The following VMP1 variants were observed in gnomAD, a reference collection of about 807,000 sequenced individuals.
VMP1 encodes the protein vacuole membrane protein 1.
VMP1 carries 11 observed loss-of-function variants against 56.0 expected under a neutral mutation model. The ratio of observed to expected loss-of-function variants is 0.20; its 90% confidence interval spans 0.12 to 0.32. The LOEUF is 0.32. VMP1 is among the 10% of genes least tolerant of loss of function. VMP1 has a pLI of 1.00. For synonymous variants in VMP1, 149 were observed against 165.0 expected (o/e 0.90, Z 0.74); for missense variants, 296 against 490.3 (o/e 0.60, Z 3.74).
intron 7 of VMP1, among the ~76,000 whole-genome samples, chr17:59,806,631 C>G (rs2037851000): frequency 6.6e-6 from 1 of 150,484 alleles, no homozygotes; most frequent in South Asian, 2.1e-4. Flanking sequence ...AAGAGAATCG[C>G]TTGAACCCGG....
intron 5 of VMP1, among the ~76,000 whole-genome samples, chr17:59,747,583 G>C (rs2143883306): frequency 6.6e-6 from 1 of 151,336 alleles, no homozygotes; most frequent in African/African-American, 2.4e-5. Flanking sequence ...GCTAATTTTT[G>C]TATTTTTAGT....
intron 7 of VMP1, 24 bp from the exon 8 acceptor site, chr17:59,808,772 G>A (rs756533917): frequency 1.3e-6 from 2 of 1,594,610 alleles, no homozygotes; most frequent in Non-Finnish European, 1.7e-6. Flanking sequence ...TCTCATTAAT[G>A]TTTCTAAATT....
chr17:59,760,629 T>C (rs891848265), intron 5 of VMP1, among the ~76,000 whole-genome samples: 2 of 152,224 alleles, frequency 1.3e-5, no homozygotes, highest in Non-Finnish European at 2.9e-5. Context: ...TATTTTCTTT[T>C]TTCTTTTTTT....
At chr17:59,788,355 A>T (rs2037082247) in intron 7 of VMP1, among the ~76,000 whole-genome samples, 1 of 151,588 alleles carries the variant, frequency 6.6e-6, no homozygotes, top group Non-Finnish European at 1.5e-5. Context: ...GGCATGTTGG[A>T]GAGCTCCGGT....
At chr17:59,766,147 C>T (rs1480168746) in intron 6 of VMP1, among the ~76,000 whole-genome samples, 1 of 152,002 alleles carries the variant, frequency 6.6e-6, no homozygotes, top group Admixed American at 6.6e-5. Context: ...GCCATCTCGG[C>T]TCATTGCAGC....
intron 1 of VMP1, among the ~76,000 whole-genome samples, chr17:59,724,571 C>A (rs2143765725): frequency 6.6e-6 from 1 of 152,244 alleles, no homozygotes; most frequent in Non-Finnish European, 1.5e-5. Context: ...ACTTGGGAGG[C>A]TGAGACAGGA....
rs187541238 is a variant in VMP1 at position 59,734,772 on chromosome 17, T to C, written c.77-566T>C. 2.6e-5 allele frequency among the ~76,000 whole-genome samples: 4 copies of C among 152,248 alleles called. No individual in the cohort carries two copies. The East Asian group carries it at 5.8e-4, about 22-fold the overall frequency. On this transcript the variant is annotated intron_variant, in intron 2 of 11. Transcript: ENST00000262291. Reference sequence around the variant, plus strand: ...AATAAATTTAAAACAATAAAACTTATGAATTGCTTATTTTCAGAATTTTCC... The same window carrying C: ...AATAAATTTAAAACAATAAAACTTACGAATTGCTTATTTTCAGAATTTTCC...
At chr17:59,755,537 A>G (rs1328281449) in intron 5 of VMP1, among the ~76,000 whole-genome samples, 1 of 152,162 alleles carries the variant, frequency 6.6e-6, no homozygotes, top group Non-Finnish European at 1.5e-5. Context: ...GCAATTTTAT[A>G]TTTGCACTTT....
intron 6 of VMP1, among the ~76,000 whole-genome samples, chr17:59,767,691 C>T (rs1406716659): frequency 6.6e-6 from 1 of 152,068 alleles, no homozygotes; most frequent in Non-Finnish European, 1.5e-5. Context: ...GTCTGTAGTG[C>T]TTATTAGGCC....
At chr17:59,749,359 T>C (rs187271886) in intron 5 of VMP1, among the ~76,000 whole-genome samples, 1 of 152,082 alleles carries the variant, frequency 6.6e-6, no homozygotes, top group East Asian at 1.9e-4. Flanking sequence ...AGATCTAAGT[T>C]ATACAGAAAA....
intron 7 of VMP1, among the ~76,000 whole-genome samples, chr17:59,788,593 C>T (rs1295968152): frequency 2.0e-5 from 3 of 151,988 alleles, no homozygotes; most frequent in Admixed American, 6.6e-5. Flanking sequence ...CACCTGAGGT[C>T]GGAAGTTCCA....
At chr17:59,737,296 C>T (rs537152429) in intron 3 of VMP1, among the ~76,000 whole-genome samples, 157 bp from the exon 4 acceptor site, 1 of 152,162 alleles carries the variant, frequency 6.6e-6, no homozygotes, top group Non-Finnish European at 1.5e-5. Flanking sequence ...CTTCCCTTGA[C>T]CCCCTTCTGT....
At chr17:59,747,358 G>C (rs942871998) in intron 5 of VMP1, among the ~76,000 whole-genome samples, 1 of 151,824 alleles carries the variant, frequency 6.6e-6, no homozygotes, top group Non-Finnish European at 1.5e-5. Flanking sequence ...AGGAGTTTAA[G>C]ACCAGCCTGG....
chr17:59,771,032 G>A (rs768615648), intron 6 of VMP1, among the ~76,000 whole-genome samples: 10 of 149,290 alleles, frequency 6.7e-5, no homozygotes, highest in African/African-American at 9.9e-5. Context: ...ATAGCCTTGT[G>A]TATTTCTATC....
intron 1 of VMP1, among the ~76,000 whole-genome samples, chr17:59,711,221 T>A (rs535643840): frequency 6.6e-6 from 1 of 152,196 alleles, no homozygotes; most frequent in Non-Finnish European, 1.5e-5. Flanking sequence ...TTTCTCTAGT[T>A]ATTTTATTCT....
intron 5 of VMP1, among the ~76,000 whole-genome samples, chr17:59,742,863 T>C (rs989811700): frequency 6.6e-6 from 1 of 152,188 alleles, no homozygotes; most frequent in African/African-American, 2.4e-5. Context: ...ACGAGGGATC[T>C]AGCTTGCATG....
chr17:59,721,638 C>T (rs1434720759), intron 1 of VMP1, among the ~76,000 whole-genome samples: 2 of 152,030 alleles, frequency 1.3e-5, no homozygotes, highest in East Asian at 3.9e-4. Context: ...AATCCCAGCA[C>T]TTTGGGAGGC....
At chr17:59,731,379 G>T (rs2034817785) in intron 1 of VMP1, 42 bp from the exon 2 acceptor site, 1 of 1,242,828 alleles carries the variant, frequency 8.0e-7, no homozygotes, top group Non-Finnish European at 1.1e-6. Context: ...CTACACAGCA[G>T]AAGTTTGTAA....
intron 10 of VMP1, among the ~76,000 whole-genome samples, chr17:59,825,731 A>G (rs1005733678): frequency 5.9e-5 from 9 of 152,222 alleles, no homozygotes; most frequent in African/African-American, 2.2e-4. Flanking sequence ...TTTTTACCAG[A>G]TACAGAATGT....
Sources: gnomAD v4.1 joint callset for allele counts (sites outside exome capture counted in the v4.1 genomes callset) on GRCh38, gnomAD v4.1.1 for gene constraint, MANE v1.5 for transcripts, NCBI Gene and HGNC (gene_info 2026-07-23, HGNC 2026-07-21) for gene names.